CLPB: variants seen among roughly 807,000 people sequenced by gnomAD.
CLPB encodes the protein mitochondrial disaggregase.
In CLPB, 40 loss-of-function variants were observed where a neutral mutation model predicts 78.4. The observed-to-expected ratio is 0.51, with a 90% CI of 0.40 to 0.66. CLPB has a LOEUF of 0.66. Ranked by LOEUF, CLPB falls within the 30% of genes least tolerant of loss-of-function variation. CLPB has a pLI of 0.00. For synonymous variants in CLPB, 333 were observed against 348.0 expected (o/e 0.96, Z 0.48); for missense variants, 780 against 886.9 (o/e 0.88, Z 1.53).
intron 5 of CLPB, among the ~76,000 whole-genome samples, chr11:72,340,269 C>T (rs1369881169): frequency 1.3e-5 from 2 of 152,192 alleles, no homozygotes; most frequent in African/African-American, 2.4e-5. Context: ...CAGAGATAGG[C>T]GCTGGCTGCC....
intron 6 of CLPB, among the ~76,000 whole-genome samples, chr11:72,323,386 G>A (rs1950076984): frequency 6.6e-6 from 1 of 151,858 alleles, no homozygotes; most frequent in South Asian, 2.1e-4. Context: ...AGCCAACATG[G>A]TGAAACCTCG....
Position 72,431,254 on chromosome 11 carries a change from T to TAC in CLPB, c.404-893_404-892dup, listed in dbSNP as rs576358166. ...TCTTTTCAAATAGCTCAATACCAGG[T>TAC]ACATGGAGCCCTCTGTGCCCAGCCT... On this transcript the variant is annotated intron_variant, in intron 1 of 15. Transcript: ENST00000538039. Among the ~76,000 whole-genome samples, 570 of 152,288 alleles carry TAC rather than the reference T, an allele frequency of 3.7e-3. 2 individuals are homozygous for TAC. The highest frequency in any genetic ancestry group is 9.5e-3 in the South Asian group (46 of 4,826).
intron 3 of CLPB, among the ~76,000 whole-genome samples, chr11:72,397,996 G>A (rs1372008800): frequency 6.6e-6 from 1 of 152,170 alleles, no homozygotes; most frequent in Admixed American, 6.5e-5. Context: ...AACAATACCA[G>A]AGCTTTAAGG....
At chr11:72,331,403 C>CAA (rs748381781) in intron 5 of CLPB, among the ~76,000 whole-genome samples, 4 of 114,434 alleles carry the variant, frequency 3.5e-5, no homozygotes, top group South Asian at 2.9e-4. Context: ...GACTCTGTCT[C>CAA]AAAAAAAAAA....
At chr11:72,401,311 T>G (rs190007077) in intron 3 of CLPB, among the ~76,000 whole-genome samples, 3 of 152,090 alleles carry the variant, frequency 2.0e-5, no homozygotes, top group East Asian at 3.9e-4. Flanking sequence ...TGTGGTGGTG[T>G]GCGCCTGTAG....
chr11:72,358,337 G>A (rs551380159), intron 5 of CLPB, among the ~76,000 whole-genome samples: 28 of 152,244 alleles, frequency 1.8e-4, no homozygotes, highest in African/African-American at 6.5e-4. Context: ...GAAGGCTATT[G>A]AACAAATAAA....
intron 5 of CLPB, among the ~76,000 whole-genome samples, chr11:72,357,440 G>A (rs1362721318): frequency 2.0e-5 from 3 of 152,132 alleles, no homozygotes; most frequent in Non-Finnish European, 4.4e-5. Flanking sequence ...GCCGGGCGCA[G>A]TGGCCCAGCA....
intron 5 of CLPB, among the ~76,000 whole-genome samples, chr11:72,344,530 T>C (rs191554208): frequency 6.6e-6 from 1 of 152,150 alleles, no homozygotes; most frequent in African/African-American, 2.4e-5. Context: ...TCTACCTTGA[T>C]TTCCATGATA....
intron 2 of CLPB, among the ~76,000 whole-genome samples, chr11:72,420,957 C>T (rs1291678050): frequency 2.0e-5 from 3 of 152,124 alleles, no homozygotes; most frequent in African/African-American, 4.8e-5. Flanking sequence ...GTCGGGAGTT[C>T]GGGACCAGCC....
chr11:72,397,113 C>T (rs910926354), intron 3 of CLPB, among the ~76,000 whole-genome samples: 3 of 152,164 alleles, frequency 2.0e-5, no homozygotes, highest in African/African-American at 7.2e-5. Flanking sequence ...TGATTTCTGC[C>T]CCTAAAGTTC....
chr11:72,322,974 T>C (rs1001662065), intron 6 of CLPB, among the ~76,000 whole-genome samples: 3 of 152,168 alleles, frequency 2.0e-5, no homozygotes, highest in Admixed American at 6.5e-5. Context: ...GCAGCGAGTA[T>C]AGAGACAGAA....
At chr11:72,327,736 T>C (rs151324317) in intron 6 of CLPB, among the ~76,000 whole-genome samples, 1 of 152,256 alleles carries the variant, frequency 6.6e-6, no homozygotes, top group Non-Finnish European at 1.5e-5. Context: ...GTCCCTAAGA[T>C]TATGCACAAC....
At chr11:72,342,253 T>G (rs180676331) in intron 5 of CLPB, among the ~76,000 whole-genome samples, 52 of 152,222 alleles carry the variant, frequency 3.4e-4, no homozygotes, top group Non-Finnish European at 5.7e-4. Context: ...AATAGGTAGA[T>G]CAGTGTGGTT....
chr11:72,420,605 G>A (rs1856166053), intron 2 of CLPB, among the ~76,000 whole-genome samples: 1 of 152,222 alleles, frequency 6.6e-6, no homozygotes, highest in Non-Finnish European at 1.5e-5. Context: ...AACTCACAGT[G>A]TTGTGAGGGA....
intron 4 of CLPB, among the ~76,000 whole-genome samples, chr11:72,372,454 C>T (rs777071880): frequency 1.3e-5 from 2 of 152,212 alleles, no homozygotes; most frequent in Admixed American, 6.5e-5. Context: ...CATATAATAC[C>T]ATGGCTTAAA....
intron 6 of CLPB, among the ~76,000 whole-genome samples, chr11:72,328,941 G>A (rs997310688): frequency 2.6e-5 from 4 of 152,152 alleles, no homozygotes; most frequent in African/African-American, 9.7e-5. Context: ...GGCAGGCCAC[G>A]TGGGCAGTGC....
chr11:72,405,048 C>T (rs1039442344), intron 2 of CLPB, among the ~76,000 whole-genome samples: 3 of 152,136 alleles, frequency 2.0e-5, no homozygotes, highest in Admixed American at 2.0e-4. Flanking sequence ...GATGGGATGG[C>T]CTCGCTTCTC....
intron 5 of CLPB, among the ~76,000 whole-genome samples, chr11:72,330,503 C>T (rs1950205089): frequency 6.6e-6 from 1 of 152,244 alleles, no homozygotes; most frequent in Non-Finnish European, 1.5e-5. Flanking sequence ...GTACTGGCAG[C>T]TGACAAGCCT....
chr11:72,316,321 C>T (rs1429203016), intron 7 of CLPB, among the ~76,000 whole-genome samples: 2 of 152,160 alleles, frequency 1.3e-5, no homozygotes, highest in Non-Finnish European at 2.9e-5. Context: ...GTCCAGAGAC[C>T]ATGCTTTGAG....
Sources: allele counts gnomAD v4.1 joint callset (sites outside exome capture counted in the v4.1 genomes callset), GRCh38; gene constraint gnomAD v4.1.1; transcripts MANE v1.5; gene names NCBI Gene and HGNC (gene_info 2026-07-23, HGNC 2026-07-21).